The following RARB variants were observed in gnomAD, a reference collection of about 807,000 sequenced individuals.
RARB encodes retinoic acid receptor beta.
In RARB, 17 loss-of-function variants were observed where a neutral mutation model predicts 51.9. The ratio of observed to expected loss-of-function variants is 0.33; its 90% confidence interval spans 0.22 to 0.49. RARB has a LOEUF of 0.49. Ranked by LOEUF, RARB falls within the 20% of genes least tolerant of loss-of-function variation. The pLI is 0.99. For synonymous variants in RARB, 215 were observed against 195.4 expected (o/e 1.10, Z -0.84); for missense variants, 369 against 550.8 (o/e 0.67, Z 3.30).
chr3:24,868,113 G>T (rs561674801), intron 2 of RARB, among the ~76,000 whole-genome samples: 32 of 152,248 alleles, frequency 2.1e-4, no homozygotes, highest in African/African-American at 7.5e-4. Flanking sequence ...TTTTCCTGGG[G>T]CTGTGTTAGC....
At chr3:25,101,107 T>C (rs1699391969) in intron 3 of RARB, among the ~76,000 whole-genome samples, 1 of 152,140 alleles carries the variant, frequency 6.6e-6, no homozygotes, top group African/African-American at 2.4e-5. Context: ...AAAGAGACTT[T>C]TGTTACTGAC....
At chr3:25,314,270 G>A (rs2125435411) in intron 5 of RARB, among the ~76,000 whole-genome samples, 1 of 152,034 alleles carries the variant, frequency 6.6e-6, no homozygotes, top group Middle Eastern at 3.4e-3. Context: ...TGTTTCTTTT[G>A]ATAACAGTTT....
chr3:25,219,293 A>G (rs1701896691), intron 5 of RARB, among the ~76,000 whole-genome samples: 1 of 152,040 alleles, frequency 6.6e-6, no homozygotes, highest in South Asian at 2.1e-4. Context: ...TCCATACACC[A>G]TCTTATAGCA....
At chr3:24,923,290 CT>C (rs140874856) in intron 2 of RARB, among the ~76,000 whole-genome samples, 1 of 151,958 alleles carries the variant, frequency 6.6e-6, no homozygotes. Context: ...AATTTGTCAT[CT>C]TTTTTTCCCT....
intron 3 of RARB, among the ~76,000 whole-genome samples, chr3:25,069,727 A>G (rs985333662): frequency 2.0e-5 from 3 of 152,250 alleles, no homozygotes; most frequent in Non-Finnish European, 4.4e-5. Context: ...AGGGAAAGTT[A>G]GATGAATGAG....
At chr3:25,438,130 C>T (rs1008426474) in intron 1 of RARB, among the ~76,000 whole-genome samples, 1 of 152,134 alleles carries the variant, frequency 6.6e-6, no homozygotes, top group Non-Finnish European at 1.5e-5. Context: ...TGTTGGTTGT[C>T]GGTGAGAGCT....
Position 24,872,308 on chromosome 3 carries a change from C to T in RARB, c.-380+13556C>T, listed in dbSNP as rs545536970. On this transcript the variant is annotated intron_variant, in intron 2 of 11. Coordinates refer to the RARB transcript ENST00000383772. ...TTCTGCCTTGCTGCCTTTGTTTCAG[C>T]TCTTCTATCTGGAATGTTCTTACCT... Among the ~76,000 whole-genome samples, 7 of 152,274 alleles carry T rather than the reference C, an allele frequency of 4.6e-5. No homozygotes were observed. The East Asian group carries it at 1.4e-3, about 29-fold the overall frequency.
rs570320091 is a variant in RARB, at chr3:24,980,648, C to G, written c.-379-79477C>G. Among the ~76,000 whole-genome samples the G allele has an allele frequency of 3.3e-5, 5 of 152,246 alleles. No homozygotes were observed. In the South Asian group the frequency reaches 6.2e-4, roughly 19 times the overall value. On this transcript the variant is annotated intron_variant, in intron 2 of 11. Transcript: ENST00000383772. The stretch of plus-strand genomic sequence containing the variant: ...TTAAGCTCTTCTCTACATGGTTATT[C>G]TAGTTAGCCATTCGTCTAACCTTTT...
intron 2 of RARB, among the ~76,000 whole-genome samples, chr3:25,007,535 C>T (rs1013705161): frequency 7.3e-5 from 10 of 136,672 alleles, no homozygotes; most frequent in African/African-American, 2.8e-4. Flanking sequence ...GCAGAGGTTG[C>T]AGTGAGCTGA....
At chr3:25,390,839 TGTCTAAA>T (rs1706932404) in intron 5 of RARB, among the ~76,000 whole-genome samples, 2 of 152,198 alleles carry the variant, frequency 1.3e-5, no homozygotes, top group African/African-American at 4.8e-5. Flanking sequence ...AAGCCCTGTA[TGTCTAAA>T]GTAGTTTGAC....
intron 2 of RARB, among the ~76,000 whole-genome samples, chr3:24,892,916 G>A (rs2125365457): frequency 6.6e-6 from 1 of 152,334 alleles, no homozygotes; most frequent in South Asian, 2.1e-4. Flanking sequence ...CTATGATGTT[G>A]TAAGTGGTCT....
intron 5 of RARB, among the ~76,000 whole-genome samples, chr3:25,383,756 C>A (rs752500442): frequency 6.6e-6 from 1 of 151,932 alleles, no homozygotes; most frequent in Non-Finnish European, 1.5e-5. Context: ...GGTGAAACCC[C>A]GTCTCTATTT....
intron 5 of RARB, among the ~76,000 whole-genome samples, chr3:25,179,957 A>C (rs1700829514): frequency 6.6e-6 from 1 of 152,222 alleles, no homozygotes; most frequent in Non-Finnish European, 1.5e-5. Context: ...AGTTCTAATG[A>C]GGAGCTGAGC....
chr3:25,141,925 G>A (rs1240639573), intron 4 of RARB, among the ~76,000 whole-genome samples: 4 of 152,138 alleles, frequency 2.6e-5, no homozygotes. Flanking sequence ...ATTGAGCATT[G>A]GAAATACTTA....
intron 2 of RARB, among the ~76,000 whole-genome samples, chr3:24,880,602 T>A (rs967219185): frequency 1.3e-5 from 2 of 152,096 alleles, no homozygotes; most frequent in African/African-American, 4.8e-5. Flanking sequence ...CCATGAGAGT[T>A]CCCTAAAATC....
intron 2 of RARB, among the ~76,000 whole-genome samples, chr3:24,992,890 G>A (rs1696943354): frequency 6.6e-6 from 1 of 152,138 alleles, no homozygotes; most frequent in South Asian, 2.1e-4. Flanking sequence ...GGGGAACACA[G>A]TTCAACCAAT....
chr3:25,454,079 TTAAG>T (rs760656216), intron 1 of RARB, among the ~76,000 whole-genome samples: 1 of 152,236 alleles, frequency 6.6e-6, no homozygotes, highest in Non-Finnish European at 1.5e-5. Flanking sequence ...GACATAAAAA[TTAAG>T]TGAGTGACAG....
chr3:25,157,827 G>A lies in RARB; in HGVS notation c.-279-16292G>A, dbSNP rs542939585. Among the ~76,000 whole-genome samples the A allele has an allele frequency of 6.6e-5, 10 of 152,282 alleles. No homozygotes were observed. In the East Asian group the frequency reaches 1.9e-3, roughly 29 times the overall value. ...CTTTGCCTCTAACAGAAGCTTGATT[G>A]CTATGGTTTGTTTCCTTGAATAAGA... On this transcript the variant is annotated intron_variant, in intron 4 of 11. Transcript: ENST00000383772.
chr3:25,051,296 A>G (rs1055413140), intron 2 of RARB, among the ~76,000 whole-genome samples: 1 of 152,116 alleles, frequency 6.6e-6, no homozygotes, highest in African/African-American at 2.4e-5. Context: ...TGTGAATGTT[A>G]TATTTGTTAT....
Sources: allele counts gnomAD v4.1 joint callset (sites outside exome capture counted in the v4.1 genomes callset), GRCh38; gene constraint gnomAD v4.1.1; transcripts MANE v1.5; gene names NCBI Gene and HGNC (gene_info 2026-07-23, HGNC 2026-07-21).